The following PEBP4 variants were observed in gnomAD, a reference collection of about 807,000 sequenced individuals.
PEBP4 encodes phosphatidylethanolamine binding protein 4.
Under a neutral mutation model 23.9 loss-of-function variants are expected in PEBP4, and 22 were observed. That is an observed-to-expected ratio of 0.92 (90% CI 0.66 to 1.31). The LOEUF (loss-of-function observed/expected upper bound fraction) is 1.31. PEBP4 is among the 40% of genes most tolerant of loss of function. The pLI, the probability that PEBP4 is intolerant of heterozygous loss-of-function variation, is 0.00. For synonymous variants in PEBP4, 112 were observed against 99.3 expected (o/e 1.13, Z -0.76); for missense variants, 324 against 281.7 (o/e 1.15, Z -1.07).
At chr8:22,920,953 C>T (rs1202542384) in intron 2 of PEBP4, among the ~76,000 whole-genome samples, 3 of 152,164 alleles carry the variant, frequency 2.0e-5, no homozygotes, top group African/African-American at 7.2e-5. Flanking sequence ...ATGAATGAAC[C>T]AGTTCATGTA....
intron 4 of PEBP4, among the ~76,000 whole-genome samples, chr8:22,734,076 G>A (rs529570735): frequency 4.5e-4 from 69 of 152,364 alleles, no homozygotes; most frequent in Non-Finnish European, 8.4e-4. Context: ...CTGCCTGCAG[G>A]CTGCCAAGTG....
intron 1 of PEBP4, among the ~76,000 whole-genome samples, chr8:22,934,155 A>G (rs1013533807): frequency 4.6e-5 from 7 of 152,070 alleles, no homozygotes; most frequent in African/African-American, 1.7e-4. Context: ...ATTGGGCCCC[A>G]CCTCCAATAT....
chr8:22,886,209 G>A (rs1411998206), intron 3 of PEBP4: 1 of 152,234 alleles, frequency 6.6e-6, no homozygotes, highest in African/African-American at 2.4e-5. Context: ...TTACAGACAG[G>A]CAAGACAGAA....
intron 4 of PEBP4, among the ~76,000 whole-genome samples, chr8:22,767,765 T>C (rs1228827036): frequency 6.6e-6 from 1 of 152,134 alleles, no homozygotes; most frequent in Non-Finnish European, 1.5e-5. Context: ...CATAGTTTTT[T>C]CTTTTTTGAG....
intron 4 of PEBP4, among the ~76,000 whole-genome samples, chr8:22,786,798 A>G (rs1286247351): frequency 2.0e-5 from 3 of 150,712 alleles, no homozygotes; most frequent in Non-Finnish European, 4.4e-5. Flanking sequence ...AATCCTATGC[A>G]GGAAACAGGG....
chr8:22,751,764 G>A (rs754087600), intron 4 of PEBP4, among the ~76,000 whole-genome samples: 33 of 152,180 alleles, frequency 2.2e-4, no homozygotes, highest in Admixed American at 4.6e-4. Flanking sequence ...CCTCTGCCAG[G>A]CAGCCTGCCT....
intron 2 of PEBP4, among the ~76,000 whole-genome samples, chr8:22,921,431 T>C (rs1333147368): frequency 6.6e-6 from 1 of 152,152 alleles, no homozygotes; most frequent in Non-Finnish European, 1.5e-5. Context: ...GGAGAATAGA[T>C]CTGGAAAGGG....
At chr8:22,913,481 A>G (rs1021876449) in intron 3 of PEBP4, among the ~76,000 whole-genome samples, 3 of 151,956 alleles carry the variant, frequency 2.0e-5, no homozygotes, top group Admixed American at 2.0e-4. Context: ...TTCCCCCTGC[A>G]GTAGGGGCTT....
At chr8:22,821,920 G>C (rs1806865459) in intron 3 of PEBP4, among the ~76,000 whole-genome samples, 1 of 151,424 alleles carries the variant, frequency 6.6e-6, no homozygotes, top group African/African-American at 2.4e-5. Context: ...GGGAGGTGGA[G>C]GTTGTAGTGA....
At chr8:22,920,472 G>A (rs1277931801) in intron 2 of PEBP4, among the ~76,000 whole-genome samples, 162 bp from the exon 3 acceptor site, 1 of 152,152 alleles carries the variant, frequency 6.6e-6, no homozygotes, top group Non-Finnish European at 1.5e-5. Flanking sequence ...TGACCTCCTT[G>A]TGCCTCAGTT....
chr8:22,927,957 G>T (rs1003571112), upstream of PEBP4: 5 of 481,040 alleles, frequency 1.0e-5, no homozygotes, highest in Non-Finnish European at 1.8e-5. Context: ...CCTGGCAGAG[G>T]CCCCTCCCCT....
At chr8:22,887,089 AGT>A (rs60863527) in intron 3 of PEBP4, 51,198 of 147,076 alleles carry the variant, frequency 0.35, 9,200 homozygotes, top group South Asian at 0.55. Context: ...GGACACTCCT[AGT>A]GTGTGTGTGT....
intron 3 of PEBP4, among the ~76,000 whole-genome samples, chr8:22,877,091 A>G (rs1339637714): frequency 6.6e-6 from 1 of 152,232 alleles, no homozygotes; most frequent in Non-Finnish European, 1.5e-5. Context: ...TTATAAACAT[A>G]TCAAGTGGAC....
At chr8:22,830,161 G>A (rs1807055742) in intron 3 of PEBP4, among the ~76,000 whole-genome samples, 2 of 141,806 alleles carry the variant, frequency 1.4e-5, no homozygotes, top group South Asian at 4.6e-4. Flanking sequence ...ACGGAGTCTT[G>A]CTCTTGTTGT....
chr8:22,854,213 C>T (rs1807597218), intron 3 of PEBP4, among the ~76,000 whole-genome samples: 1 of 152,136 alleles, frequency 6.6e-6, no homozygotes, highest in African/African-American at 2.4e-5. Flanking sequence ...AAGTGAGGAG[C>T]TTTGCTGGTG....
chr8:22,727,227 G>A lies in PEBP4; in HGVS notation c.358-7C>T. On this transcript the variant is annotated splice_region_variant and splice_polypyrimidine_tract_variant and intron_variant, in intron 4 of 6. Coordinates refer to ENST00000256404, the MANE Select transcript of PEBP4 (RefSeq NM_144962.3). ...CTTTCTTCAGGTCGGCGCCCTGAAA[G>A]AAGAGACAAGCAGGGCTGTAGGTTA... 1 of 1,613,494 alleles carries A rather than the reference G, an allele frequency of 6.2e-7. No homozygotes were observed. Among genetic ancestry groups the A allele is most frequent in the Non-Finnish European group, 8.5e-7 (1 of 1,179,850 alleles).
chr8:22,784,297 C>T (rs1044259984), intron 4 of PEBP4, among the ~76,000 whole-genome samples: 155 of 152,222 alleles, frequency 1.0e-3, no homozygotes, highest in African/African-American at 3.5e-3. Flanking sequence ...GTGGGGCTTG[C>T]GTAGAACACA....
At chr8:22,787,752 G>A (rs1054388039) in intron 4 of PEBP4, among the ~76,000 whole-genome samples, 5 of 152,160 alleles carry the variant, frequency 3.3e-5, no homozygotes, top group African/African-American at 9.7e-5. Context: ...GTAATTGTGC[G>A]ACGGTGCTAA....
intron 3 of PEBP4, among the ~76,000 whole-genome samples, chr8:22,901,982 C>T (rs77871980): frequency 0.011 from 1,674 of 152,300 alleles, 18 homozygotes; most frequent in Non-Finnish European, 0.019. Context: ...AGCTCATCCC[C>T]AAGTGCGGCT....
Sources: gnomAD v4.1 joint callset for allele counts (sites outside exome capture counted in the v4.1 genomes callset) on GRCh38, gnomAD v4.1.1 for gene constraint, MANE v1.5 for transcripts, NCBI Gene and HGNC (gene_info 2026-07-23, HGNC 2026-07-21) for gene names.